Variants in CAP2 observed in about 807,000 individuals in gnomAD.
CAP2 encodes the protein cyclase associated actin cytoskeleton regulatory protein 2.
Under a neutral mutation model 57.7 loss-of-function variants are expected in CAP2, and 24 were observed. The observed-to-expected ratio is 0.42, with a 90% CI of 0.30 to 0.58. The LOEUF (loss-of-function observed/expected upper bound fraction) is 0.58, where lower values mean the gene tolerates loss of function less well. Ranked by LOEUF, CAP2 falls within the 20% of genes least tolerant of loss-of-function variation. The probability of loss-of-function intolerance (pLI) is 0.22; values close to 1 mark genes in which losing one functional copy is unlikely to be tolerated. For synonymous variants in CAP2, 194 were observed against 207.2 expected (o/e 0.94, Z 0.55); for missense variants, 501 against 590.3 (o/e 0.85, Z 1.57).
intron 3 of CAP2, among the ~76,000 whole-genome samples, chr6:17,455,770 T>C (rs1043748169): frequency 1.3e-5 from 2 of 152,122 alleles, no homozygotes; most frequent in African/African-American, 2.4e-5. Flanking sequence ...CTCCTGACCT[T>C]GTGATCTGCC....
At chr6:17,431,824 T>C (rs1432770786) in intron 3 of CAP2, among the ~76,000 whole-genome samples, 1 of 152,084 alleles carries the variant, frequency 6.6e-6, no homozygotes, top group African/African-American at 2.4e-5. Flanking sequence ...ACTCATCAGT[T>C]CTCTCAGCCT....
At chr6:17,494,161 C>T (rs1761609935) in intron 4 of CAP2, among the ~76,000 whole-genome samples, 1 of 152,172 alleles carries the variant, frequency 6.6e-6, no homozygotes, top group Non-Finnish European at 1.5e-5. Flanking sequence ...ATAATCTATT[C>T]TCAATACAGC....
chr6:17,468,179 A>G (rs952158448), intron 4 of CAP2, among the ~76,000 whole-genome samples: 5 of 152,014 alleles, frequency 3.3e-5, no homozygotes, highest in East Asian at 1.9e-4. Context: ...TGTGCCCTTC[A>G]GTTCCTCCAC....
intron 3 of CAP2, among the ~76,000 whole-genome samples, chr6:17,453,840 G>A (rs138523325): frequency 3.9e-4 from 60 of 151,986 alleles, no homozygotes; most frequent in Admixed American, 1.8e-3. Flanking sequence ...TTGGAGAGGC[G>A]GAGACCTGTC....
chr6:17,495,989 T>TA (rs1761655001), intron 4 of CAP2, among the ~76,000 whole-genome samples: 1 of 115,514 alleles, frequency 8.7e-6, no homozygotes, highest in Admixed American at 1.2e-4. Flanking sequence ...GAGATGTTTA[T>TA]AGCTCCTGAA....
In CAP2 at chr6:17,507,242, G is replaced by A. The variant is rs1195287566; in HGVS notation, c.374G>A (p.Arg125Gln). 10 of 1,613,990 alleles carry A rather than the reference G, an allele frequency of 6.2e-6. No individual in the cohort carries two copies. The highest frequency in any genetic ancestry group is 8.5e-6 in the Non-Finnish European group (10 of 1,179,944). ...QEIQTFRERN[R>Q]GSNMFNHLSA... is the part of the protein sequence containing the mutation. ...ATCCAAACTTTCAGAGAGAGAAACC[G>A]GGGGAGTAACATGTTTAATCATCTT... Residue 125 changes from arginine (R) to glutamine (Q), a missense_variant, in exon 5 of 13, where the codon CGG (arginine) becomes CAG (glutamine). Physicochemically the swap from Arg to Gln is conservative, Grantham distance 43. Transcript: ENST00000229922.
intron 3 of CAP2, among the ~76,000 whole-genome samples, chr6:17,455,585 G>T (rs796795688): frequency 6.6e-6 from 1 of 151,488 alleles, no homozygotes; most frequent in Non-Finnish European, 1.5e-5. Context: ...GCCCAGGCTG[G>T]AGTGCAGTGG....
intron 7 of CAP2, among the ~76,000 whole-genome samples, chr6:17,533,942 G>A (rs907716303): frequency 7.2e-5 from 11 of 152,150 alleles, no homozygotes; most frequent in South Asian, 2.1e-4. Context: ...AGTCTGAGGC[G>A]CTAAGATACT....
At chr6:17,441,577 G>A (rs1334174964) in intron 3 of CAP2, among the ~76,000 whole-genome samples, 2 of 151,438 alleles carry the variant, frequency 1.3e-5, no homozygotes, top group African/African-American at 4.9e-5. Flanking sequence ...TCAACTTCCT[G>A]GGGTCAGGTG....
At position 17,541,062 on chromosome 6, in the gene CAP2, C is replaced by T. The variant is rs1354024375; in HGVS notation, c.916C>T (p.His306Tyr). 3.7e-6 allele frequency: 6 copies of T among 1,613,940 alleles called. No homozygotes were observed. In the African/African-American group the frequency reaches 6.7e-5, roughly 18 times the overall value. ...GCAAACTCAATCTCCCACCAAAAGT[C>T]ACACTCCAAGTCCCACATCTCCTAA... ...GGQTQSPTKS[H>Y]TPSPTSPKSY... The change falls in exon 9 of 13, where the codon CAC becomes TAC. Residue 306 changes from histidine (H) to tyrosine (Y), a missense_variant. By Grantham distance (83) the His-to-Tyr change is moderately conservative (BLOSUM62 2). Transcript: ENST00000229922.
intron 6 of CAP2, among the ~76,000 whole-genome samples, chr6:17,509,812 C>G (rs903013455): frequency 1.1e-4 from 17 of 152,088 alleles, no homozygotes; most frequent in Admixed American, 1.0e-3. Flanking sequence ...TGAGAACAAC[C>G]CAAATGTTCA....
chr6:17,461,742 C>A (rs535900498), intron 3 of CAP2, among the ~76,000 whole-genome samples: 1 of 151,028 alleles, frequency 6.6e-6, no homozygotes, highest in East Asian at 2.0e-4. Context: ...CCTGTGATCC[C>A]AGCACTTTGG....
intron 3 of CAP2, among the ~76,000 whole-genome samples, chr6:17,443,036 A>C (rs904060175): frequency 6.6e-6 from 1 of 152,112 alleles, no homozygotes; most frequent in Non-Finnish European, 1.5e-5. Flanking sequence ...ACTATTAAAA[A>C]AATAAAACTC....
At chr6:17,489,242 G>A (rs182929269) in intron 4 of CAP2, among the ~76,000 whole-genome samples, 58 of 152,262 alleles carry the variant, frequency 3.8e-4, no homozygotes, top group Non-Finnish European at 6.8e-4. Flanking sequence ...GACCAGCCTG[G>A]TCAACATGGT....
rs760963702 is a variant in CAP2 at position 17,426,684 on chromosome 6, G to A, written c.216G>A (p.Glu72=). The change falls in exon 3 of 13, where the codon GAG becomes GAA. Residue 72 remains glutamate, a synonymous_variant. Transcript: ENST00000229922. The part of the protein sequence containing the change: ...KNSRILAGDV[E]THAEMVHSAF... The stretch of plus-strand genomic sequence containing the variant: ...GTAGGATCCTTGCTGGGGACGTGGA[G>A]ACCCATGTAAGTACTTTCCTCCCCT... 2 of 1,610,878 alleles carry A rather than the reference G, an allele frequency of 1.2e-6. No individual in the cohort carries two copies. Among genetic ancestry groups the A allele is most frequent in the East Asian group, 2.2e-5 (1 of 44,858 alleles).
intron 7 of CAP2, among the ~76,000 whole-genome samples, chr6:17,529,793 A>C (rs1439987483): frequency 3.9e-5 from 6 of 151,972 alleles, no homozygotes; most frequent in Non-Finnish European, 7.4e-5. Flanking sequence ...CTATTATGCT[A>C]TATGAGAGGC....
At chr6:17,396,976 T>TA (rs1175771066) in intron 1 of CAP2, among the ~76,000 whole-genome samples, 3 of 152,218 alleles carry the variant, frequency 2.0e-5, no homozygotes, top group Non-Finnish European at 4.4e-5. Flanking sequence ...TGGTTTATTG[T>TA]AAAACAGTTT....
chr6:17,440,383 T>C lies in CAP2; in HGVS notation c.222+13693T>C, dbSNP rs912467847. ...GTCTGGCTACCTTTCTGAAGTTCAC[T>C]TTTGTTGTTGTTTATTGGAGCTTTT... On this transcript the variant is annotated intron_variant, in intron 3 of 12. Coordinates refer to ENST00000229922, the MANE Select transcript of CAP2 (RefSeq NM_006366.3). Among the ~76,000 whole-genome samples, 4 of 151,654 alleles carry C rather than the reference T, an allele frequency of 2.6e-5. 1 individual carries two copies. Among genetic ancestry groups the C allele is most frequent in the African/African-American group, 9.8e-5 (4 of 40,954 alleles).
At chr6:17,503,366 T>G (rs1561807403) in intron 4 of CAP2, among the ~76,000 whole-genome samples, 1 of 152,068 alleles carries the variant, frequency 6.6e-6, no homozygotes, top group Non-Finnish European at 1.5e-5. Context: ...ACCAATACTT[T>G]GGGAGGCCGA....
Sources: gnomAD v4.1 joint callset for allele counts (sites outside exome capture counted in the v4.1 genomes callset) on GRCh38, gnomAD v4.1.1 for gene constraint, MANE v1.5 for transcripts, NCBI Gene and HGNC (gene_info 2026-07-23, HGNC 2026-07-21) for gene names.